Variants in TXNRD2 observed in about 807,000 individuals in gnomAD.
TXNRD2 encodes thioredoxin reductase 2, mitochondrial.
TXNRD2 carries 67 observed loss-of-function variants against 70.8 expected under a neutral mutation model. The ratio of observed to expected loss-of-function variants is 0.95; its 90% CI spans 0.78 to 1.16. TXNRD2 has a LOEUF of 1.16. Among genes scored for constraint, TXNRD2 ranks in the 50% most tolerant of loss-of-function variants. The probability of loss-of-function intolerance (pLI) is 0.00; values close to 1 mark genes in which losing one functional copy is unlikely to be tolerated. For synonymous variants in TXNRD2, 301 were observed against 295.8 expected (o/e 1.02, Z -0.18); for missense variants, 644 against 719.9 (o/e 0.89, Z 1.21).
intron 1 of TXNRD2, among the ~76,000 whole-genome samples, chr22:19,940,922 C>T (rs117464292): frequency 7.2e-5 from 11 of 152,288 alleles, no homozygotes; most frequent in Middle Eastern, 3.4e-3. Context: ...GAGTCCACCG[C>T]GGGCAGAGGG....
At chr22:19,928,130 G>A (rs1428589575) in intron 2 of TXNRD2, among the ~76,000 whole-genome samples, 7 of 149,584 alleles carry the variant, frequency 4.7e-5, no homozygotes, top group African/African-American at 1.7e-4. Flanking sequence ...AAAAAAACTT[G>A]AGTAAAAAAG....
intron 9 of TXNRD2, 116 bp from the exon 10 acceptor site, chr22:19,898,246 A>G: frequency 2.0e-6 from 2 of 986,498 alleles, no homozygotes; most frequent in Non-Finnish European, 1.5e-6. Context: ...GCCCTGGAGG[A>G]GGCTCCCAAC....
intron 8 of TXNRD2, among the ~76,000 whole-genome samples, chr22:19,906,177 T>TGCTG (rs1940003283): frequency 6.6e-6 from 1 of 152,140 alleles, no homozygotes; most frequent in South Asian, 2.1e-4. Context: ...ACAAGGACCA[T>TGCTG]GCTGGCGATT....
chr22:19,876,785 C>T (rs987990555), intron 17 of TXNRD2: 5 of 244,468 alleles, frequency 2.0e-5, no homozygotes, highest in Non-Finnish European at 3.9e-5. Flanking sequence ...GGATGAGCCC[C>T]GTTTCTTGAT....
chr22:19,905,124 C>G (rs2145996280), intron 8 of TXNRD2, among the ~76,000 whole-genome samples: 1 of 152,234 alleles, frequency 6.6e-6, no homozygotes, highest in Non-Finnish European at 1.5e-5. Context: ...TACACTGTTA[C>G]AACTTGCATT....
At chr22:19,895,228 A>C in intron 11 of TXNRD2, 179 bp downstream of exon 11, 2 of 1,595,966 alleles carry the variant, frequency 1.3e-6, no homozygotes, top group Non-Finnish European at 1.7e-6. Flanking sequence ...GGCACAGCCT[A>C]GTGTGAGTGC....
chr22:19,898,258 C>T (rs1939607126), intron 9 of TXNRD2, 128 bp from the exon 10 acceptor site: 3 of 832,936 alleles, frequency 3.6e-6, no homozygotes, highest in Non-Finnish European at 2.0e-6. Flanking sequence ...GCTCCCAACT[C>T]AAGACCCCCA....
intron 2 of TXNRD2, among the ~76,000 whole-genome samples, chr22:19,927,995 C>T (rs1467093544): frequency 2.0e-5 from 3 of 151,736 alleles, no homozygotes; most frequent in South Asian, 4.2e-4. Flanking sequence ...GGCCAGGCAC[C>T]GTGGCTCATT....
chr22:19,906,117 C>A (rs944452271), intron 8 of TXNRD2, among the ~76,000 whole-genome samples: 12 of 151,974 alleles, frequency 7.9e-5, no homozygotes, highest in Non-Finnish European at 1.8e-4. Context: ...CACAAACCAG[C>A]TGGAGGGTAA....
chr22:19,879,326 G>A (rs1938649004), intron 14 of TXNRD2, among the ~76,000 whole-genome samples: 2 of 152,190 alleles, frequency 1.3e-5, no homozygotes, highest in Non-Finnish European at 2.9e-5. Flanking sequence ...CTGGGTGCCT[G>A]CAAGCTGCAG....
In TXNRD2 at chr22:19,883,479, G is replaced by A. The variant is rs1938881820; in HGVS notation, c.950-18C>T. ...GACTCGACCTGAAGGAAACAGAGAG[G>A]GGGCTGAAAGGTTATCTTCAGTGGC... is the stretch of plus-strand genomic sequence containing the variant. On this transcript the variant is annotated intron_variant, in intron 11 of 17. Coordinates refer to ENST00000400521, the MANE Select transcript of TXNRD2 (RefSeq NM_006440.5). 1.2e-6 allele frequency: 2 copies of A among 1,613,924 alleles called. No individual in the cohort carries two copies. Among genetic ancestry groups the A allele is most frequent in the East Asian group, 2.2e-5 (1 of 44,888 alleles).
At chr22:19,893,727 AGCCCACGCCTGGCCGGGAAAC>A (rs1435374060) in intron 11 of TXNRD2, among the ~76,000 whole-genome samples, 1 of 152,222 alleles carries the variant, frequency 6.6e-6, no homozygotes, top group Non-Finnish European at 1.5e-5. Context: ...AGTTGTAGCC[AGCCCACGCCTGGCCGGGAAAC>A]GCCCAGGCCT....
At chr22:19,892,600 G>T (rs1344527374) in intron 11 of TXNRD2, among the ~76,000 whole-genome samples, 1 of 152,248 alleles carries the variant, frequency 6.6e-6, no homozygotes, top group African/African-American at 2.4e-5. Flanking sequence ...GGCTTTCCGG[G>T]GACACAGCCC....
Position 19,898,103 on chromosome 22 carries a change from A to G in TXNRD2, c.710T>C (p.Leu237Pro). 6.4e-7 allele frequency: 1 copy of G among 1,566,880 alleles called. No individual in the cohort carries two copies. Among genetic ancestry groups the G allele is most frequent in the East Asian group, 2.4e-5 (1 of 41,898 alleles). ...SYVALECAGF[L>P]TGIGLDTTIM... ...GGTGGTGTCCAGCCCAATCCCGGTGAGGAAGCCAGCACACTCCAGGGCCAC... is the reference window on the plus strand; with the variant it reads ...GGTGGTGTCCAGCCCAATCCCGGTGGGGAAGCCAGCACACTCCAGGGCCAC... Residue 237 changes from leucine (L) to proline (P), a missense_variant, in exon 10 of 18, where the codon CTC (leucine) becomes CCC (proline). Around this residue, in one of 3 missense-constraint regions of TXNRD2, gnomAD observed 566 missense variants for 645.0 expected, o/e 0.88. Coordinates refer to ENST00000400521, the MANE Select transcript of TXNRD2 (RefSeq NM_006440.5).
At chr22:19,907,196 C>A (rs10222304) in intron 8 of TXNRD2, among the ~76,000 whole-genome samples, 1 of 78,636 alleles carries the variant, frequency 1.3e-5, no homozygotes, top group Non-Finnish European at 2.6e-5. Context: ...TAGCAGTGAC[C>A]GCTCTCAGGA....
Position 19,877,229 on chromosome 22 carries a change from C to T in TXNRD2, c.1451G>A (p.Gly484Glu), listed in dbSNP as rs1409074647. Residue 484 changes from glycine (G) to glutamate (E), a missense_variant, in exon 17 of 18, where the codon GGG (glycine) becomes GAG (glutamate). Physicochemically the swap from Gly to Glu is moderately conservative, Grantham distance 98. Coordinates refer to ENST00000400521, the MANE Select transcript of TXNRD2 (RefSeq NM_006440.5). ...TQGFALGIKC[G>E]ASYAQVMRTV... ...CCGCATCACCTGCGCATAGGAAGCC[C>T]CACACCTGCACATGGGGGATGGGGG... The T allele has an allele frequency of 4.3e-6, 7 of 1,609,742 alleles. No individual in the cohort carries two copies. Among genetic ancestry groups the T allele is most frequent in the Admixed American group, 3.3e-5 (2 of 59,934 alleles).
intron 2 of TXNRD2, among the ~76,000 whole-genome samples, chr22:19,919,897 T>A (rs1401297899): frequency 7.0e-6 from 1 of 143,350 alleles, no homozygotes; most frequent in African/African-American, 2.8e-5. Context: ...GCCCGCAGCC[T>A]TTGTACCATC....
chr22:19,906,901 G>A lies in TXNRD2; in HGVS notation c.662+4476C>T, dbSNP rs188126610. Among the ~76,000 whole-genome samples the A allele has an allele frequency of 9.4e-4, 110 of 116,950 alleles. 1 individual carries two copies. The East Asian group carries it at 0.019, about 20-fold the overall frequency. 76.7% of individuals were successfully genotyped at this position (116,950 alleles called of 152,430 possible). A position where few individuals can be genotyped will look rare whatever the true frequency, so the allele number is the denominator to read the frequency against. On this transcript the variant is annotated intron_variant, in intron 8 of 17. Coordinates refer to ENST00000400521, the MANE Select transcript of TXNRD2 (RefSeq NM_006440.5). ...TGACCGCTCTCAGGAGGGTGTGGGC[G>A]CCGTGGATAGCAGTGACGGCTCTCA... is the stretch of plus-strand genomic sequence containing the variant.
At chr22:19,922,353 C>G (rs747530176) in intron 2 of TXNRD2, among the ~76,000 whole-genome samples, 1 of 152,144 alleles carries the variant, frequency 6.6e-6, no homozygotes, top group Non-Finnish European at 1.5e-5. Context: ...GTGTCTGTCT[C>G]GGTAACTAAA....
Sources: allele counts gnomAD v4.1 joint callset (sites outside exome capture counted in the v4.1 genomes callset), GRCh38; gene constraint gnomAD v4.1.1; regional missense constraint gnomAD v4.1.1; transcripts MANE v1.5; gene names NCBI Gene and HGNC (gene_info 2026-07-23, HGNC 2026-07-21).